ZNF277: variants seen among roughly 807,000 people sequenced by gnomAD.
ZNF277 encodes the protein nuclear receptor-interacting factor 4.
In ZNF277, 55 loss-of-function variants were observed where a neutral mutation model predicts 60.7. That is an observed-to-expected ratio of 0.91 (90% confidence interval 0.73 to 1.13). The LOEUF (loss-of-function observed/expected upper bound fraction) is 1.13, where lower values mean the gene tolerates loss of function less well. Ranked by LOEUF, ZNF277 falls within the 50% of genes most tolerant of loss-of-function variation. The pLI, the probability that ZNF277 is intolerant of heterozygous loss-of-function variation, is 0.00. For missense variants in ZNF277, 510 were observed against 523.0 expected (o/e 0.98, Z 0.24); for synonymous variants, 178 against 179.3 (o/e 0.99, Z 0.06).
intron 1 of ZNF277, among the ~76,000 whole-genome samples, chr7:112,277,076 G>GT (rs1791815366): frequency 8.4e-6 from 1 of 119,562 alleles, no homozygotes; most frequent in African/African-American, 3.9e-5. Context: ...AGAATCTGTT[G>GT]ATTTTTTTTT....
intron 1 of ZNF277, among the ~76,000 whole-genome samples, chr7:112,209,637 A>C (rs1821683250): frequency 6.6e-6 from 1 of 152,236 alleles, no homozygotes; most frequent in Non-Finnish European, 1.5e-5. Context: ...TATAAGATAA[A>C]GTTGTCATTA....
At chr7:112,315,307 A>G (rs1792819999) in intron 4 of ZNF277, among the ~76,000 whole-genome samples, 1 of 152,108 alleles carries the variant, frequency 6.6e-6, no homozygotes, top group African/African-American at 2.4e-5. Context: ...AAGTCCCTAT[A>G]GTTTTGTTCT....
intron 1 of ZNF277, among the ~76,000 whole-genome samples, chr7:112,223,089 G>A (rs1191344968): frequency 6.6e-6 from 1 of 152,134 alleles, no homozygotes; most frequent in African/African-American, 2.4e-5. Context: ...GATTGTGTGA[G>A]TTAATACTTA....
At chr7:112,225,292 C>T (rs1411339710) in intron 1 of ZNF277, among the ~76,000 whole-genome samples, 2 of 152,168 alleles carry the variant, frequency 1.3e-5, no homozygotes, top group African/African-American at 4.8e-5. Context: ...TAGTGCCAGG[C>T]AAGTCATTAC....
At chr7:112,325,804 G>T (rs1049823711) in intron 5 of ZNF277, among the ~76,000 whole-genome samples, 3 of 152,166 alleles carry the variant, frequency 2.0e-5, no homozygotes, top group South Asian at 2.1e-4. Context: ...AGTCAGGAAG[G>T]TCTGGCCTAT....
At chr7:112,300,729 A>G (rs1792453779) in intron 4 of ZNF277, among the ~76,000 whole-genome samples, 1 of 152,164 alleles carries the variant, frequency 6.6e-6, no homozygotes, top group Admixed American at 6.5e-5. Context: ...ATGCCTAAAA[A>G]CAGAACTTAT....
intron 1 of ZNF277, among the ~76,000 whole-genome samples, chr7:112,236,561 T>G (rs921296912): frequency 1.3e-5 from 2 of 152,074 alleles, no homozygotes; most frequent in Admixed American, 6.5e-5. Flanking sequence ...CCTCATTAGT[T>G]AGTATTAATG....
At chr7:112,248,694 AT>A (rs1158449855) in intron 1 of ZNF277, among the ~76,000 whole-genome samples, 1 of 151,712 alleles carries the variant, frequency 6.6e-6, no homozygotes, top group Non-Finnish European at 1.5e-5. Flanking sequence ...GTATATATGC[AT>A]TTTTTTAGTA....
rs1011325452 is a variant in ZNF277, at chr7:112,206,996, GGGGATGGCGGAGAAAATGCCAT to G, written c.91+214_91+235del. Among the ~76,000 whole-genome samples, 100 of 152,326 alleles carry G rather than the reference GGGGATGGCGGAGAAAATGCCAT, an allele frequency of 6.6e-4. 2 individuals carry two copies. In the East Asian group the frequency reaches 0.014, roughly 21 times the overall value. Reference sequence around the variant, plus strand: ...GGCGGCTACTTGGTTGGGGCTGCCCGGGGATGGCGGAGAAAATGCCATGGGATGGCGGAGAAAATGCCATGGA... The same window carrying G: ...GGCGGCTACTTGGTTGGGGCTGCCCGGGGATGGCGGAGAAAATGCCATGGA... On this transcript the variant is annotated intron_variant, in intron 1 of 11. Coordinates refer to ENST00000361822, the MANE Select transcript of ZNF277 (RefSeq NM_021994.3).
At chr7:112,272,418 A>T (rs1791691641) in intron 1 of ZNF277, among the ~76,000 whole-genome samples, 1 of 152,102 alleles carries the variant, frequency 6.6e-6, no homozygotes, top group Admixed American at 6.5e-5. Flanking sequence ...GATTTCCTTT[A>T]TTTGGGGTAT....
intron 1 of ZNF277, among the ~76,000 whole-genome samples, chr7:112,284,917 C>T (rs1038919264): frequency 6.6e-6 from 1 of 152,192 alleles, no homozygotes; most frequent in African/African-American, 2.4e-5. Context: ...AGACTGTGAG[C>T]ACTTTAACCT....
chr7:112,212,238 G>A (rs1821769169), intron 1 of ZNF277, among the ~76,000 whole-genome samples: 1 of 152,132 alleles, frequency 6.6e-6, no homozygotes, highest in Non-Finnish European at 1.5e-5. Context: ...CTACCACATG[G>A]ACCTTGAATT....
intron 1 of ZNF277, among the ~76,000 whole-genome samples, chr7:112,280,581 A>G (rs1791916815): frequency 6.6e-6 from 1 of 152,068 alleles, no homozygotes; most frequent in South Asian, 2.1e-4. Flanking sequence ...TTTGTATTTT[A>G]GGGTTCAAGG....
chr7:112,229,438 A>G (rs1280618088), intron 1 of ZNF277, among the ~76,000 whole-genome samples: 1 of 152,244 alleles, frequency 6.6e-6, no homozygotes, highest in East Asian at 1.9e-4. Context: ...GGTAGATAAA[A>G]TGGAACAAAA....
chr7:112,341,070 G>T (rs1038557592), intron 11 of ZNF277, 24 bp downstream of exon 11: 2 of 1,539,820 alleles, frequency 1.3e-6, no homozygotes, highest in Non-Finnish European at 1.7e-6. Flanking sequence ...AACCAAATGT[G>T]CACTTCTTAC....
At chr7:112,340,217 T>G (rs1343298819) in intron 10 of ZNF277, among the ~76,000 whole-genome samples, 1 of 152,258 alleles carries the variant, frequency 6.6e-6, no homozygotes, top group Non-Finnish European at 1.5e-5. Flanking sequence ...ATTCCAGCTC[T>G]GGCACTTACT....
At chr7:112,253,906 T>C (rs1791249024) in intron 1 of ZNF277, among the ~76,000 whole-genome samples, 1 of 152,202 alleles carries the variant, frequency 6.6e-6, no homozygotes, top group Non-Finnish European at 1.5e-5. Context: ...TTATCATCAT[T>C]ATTATTATTC....
At chr7:112,210,129 T>C (rs1483031633) in intron 1 of ZNF277, among the ~76,000 whole-genome samples, 1 of 152,162 alleles carries the variant, frequency 6.6e-6, no homozygotes, top group Non-Finnish European at 1.5e-5. Flanking sequence ...ACATGTACCC[T>C]GGAACTTAAA....
chr7:112,219,240 C>T (rs1467463018), intron 1 of ZNF277, among the ~76,000 whole-genome samples: 1 of 152,116 alleles, frequency 6.6e-6, no homozygotes, highest in Non-Finnish European at 1.5e-5. Flanking sequence ...TACCTGTTAG[C>T]TTTTTCCTTT....
Sources: gnomAD v4.1 joint callset for allele counts (sites outside exome capture counted in the v4.1 genomes callset) on GRCh38, gnomAD v4.1.1 for gene constraint, MANE v1.5 for transcripts, NCBI Gene and HGNC (gene_info 2026-07-23, HGNC 2026-07-21) for gene names.